The following C10orf67 variants were observed in gnomAD, a reference collection of about 807,000 sequenced individuals.
The protein encoded by C10orf67 is uncharacterized protein C10orf67, mitochondrial.
Under a neutral mutation model 35.6 loss-of-function variants are expected in C10orf67, and 60 were observed. The ratio of observed to expected loss-of-function variants is 1.68; its 90% CI spans 1.37 to 2.09. The LOEUF (loss-of-function observed/expected upper bound fraction) is 2.09. Ranked by LOEUF, C10orf67 falls within the 30% of genes most tolerant of loss-of-function variation. C10orf67 has a pLI of 0.00. For missense variants in C10orf67, 474 were observed against 330.2 expected (o/e 1.44, Z -3.38); for synonymous variants, 167 against 115.8 (o/e 1.44, Z -2.84).
At position 23,289,946 on chromosome 10, in the gene C10orf67, A is replaced by G. The variant is rs186852463; in HGVS notation, c.863T>C (p.Ile288Thr). The stretch of plus-strand genomic sequence containing the variant: ...CTTTTCTGCCATCTCTTTCATACTT[A>G]TAAGTTCATCTTCTGTAAACAAAAG... ...KENSGLEDEL[I>T]SMKEMAEKDH... Residue 288 changes from isoleucine (I) to threonine (T), a missense_variant, in exon 7 of 16, where the codon ATA (isoleucine) becomes ACA (threonine). Coordinates refer to ENST00000636213, the MANE Select transcript of C10orf67 (RefSeq NM_001371909.1). The G allele has an allele frequency of 1.6e-3, 1,164 of 717,072 alleles. 3 individuals are homozygous for G. The highest frequency in any genetic ancestry group is 6.9e-3 in the Middle Eastern group (30 of 4,370). 44.4% of individuals were successfully genotyped at this position (717,072 alleles called of 1,614,324 possible). A position where few individuals can be genotyped will look rare whatever the true frequency, so the allele number is the denominator to read the frequency against.
intron 8 of C10orf67, among the ~76,000 whole-genome samples, chr10:23,271,805 A>G (rs1159776980): frequency 6.6e-6 from 1 of 152,260 alleles, no homozygotes; most frequent in East Asian, 1.9e-4. Context: ...AGTTCTTTGC[A>G]TAGTCTATAT....
At chr10:23,288,957 G>A (rs1206614723) in intron 7 of C10orf67, among the ~76,000 whole-genome samples, 2 of 152,144 alleles carry the variant, frequency 1.3e-5, no homozygotes, top group Non-Finnish European at 1.5e-5. Flanking sequence ...ACCAGATAGC[G>A]CAGTTTCCAC....
chr10:23,240,002 T>C, intron 12 of C10orf67, among the ~76,000 whole-genome samples, 186 bp from the exon 13 acceptor site: 1 of 152,058 alleles, frequency 6.6e-6, no homozygotes, highest in Non-Finnish European at 1.5e-5. Flanking sequence ...CTGGGCAAAA[T>C]GGTGAAACCC....
chr10:23,228,144 C>T (rs1841796136), intron 13 of C10orf67, among the ~76,000 whole-genome samples: 1 of 152,056 alleles, frequency 6.6e-6, no homozygotes, highest in Non-Finnish European at 1.5e-5. Flanking sequence ...CAATCCTAAG[C>T]CAAAAGAACA....
At position 23,282,096 on chromosome 10, in the gene C10orf67, T is replaced by G; in HGVS notation, c.910-18A>C. The stretch of plus-strand genomic sequence containing the variant: ...TCCATTAACTGAAATAGAGAAGAAA[T>G]TATATTTTTATTAAAGATAAGAACA... On this transcript the variant is annotated intron_variant, in intron 7 of 15. Transcript: ENST00000636213. 3 of 533,974 alleles carry G rather than the reference T, an allele frequency of 5.6e-6. No individual in the cohort carries two copies. Among genetic ancestry groups the G allele is most frequent in the Non-Finnish European group, 1.0e-5 (3 of 297,962 alleles). 33.1% of individuals were successfully genotyped at this position (533,974 alleles called of 1,614,324 possible).
At position 23,344,663 on chromosome 10, in the gene C10orf67, T is replaced by C. The variant is rs962701102; in HGVS notation, c.112A>G (p.Met38Val). The part of the protein sequence containing the change: ...RGTFGTRWEA[M>V]KAKATELRVC... ...CGCAGCTCGGTGGCCTTGGCTTTCA[T>C]GGCCTCCCAGCGTGTGCCAAAGGTC... The change falls in exon 1 of 16, where the codon ATG becomes GTG. Residue 38 changes from methionine to valine, a missense_variant. Met to Val is a conservative substitution (Grantham distance 21). Transcript: ENST00000636213. 3 of 1,580,732 alleles carry C rather than the reference T, an allele frequency of 1.9e-6. No homozygotes were observed. Among genetic ancestry groups the C allele is most frequent in the South Asian group, 1.2e-5 (1 of 86,076 alleles).
chr10:23,306,013 A>G (rs1844262083), intron 4 of C10orf67, among the ~76,000 whole-genome samples: 1 of 152,070 alleles, frequency 6.6e-6, no homozygotes, highest in Non-Finnish European at 1.5e-5. Context: ...ACACACACAC[A>G]ATGGAATATT....
chr10:23,274,828 G>A (rs1047515082), intron 8 of C10orf67, among the ~76,000 whole-genome samples: 1 of 151,930 alleles, frequency 6.6e-6, no homozygotes, highest in African/African-American at 2.4e-5. Context: ...ATTAATTTTG[G>A]GAACTAATAA....
At chr10:23,314,929 A>G (rs1346756499) in intron 4 of C10orf67, among the ~76,000 whole-genome samples, 2 of 151,818 alleles carry the variant, frequency 1.3e-5, no homozygotes, top group Admixed American at 6.6e-5. Flanking sequence ...TTCATAGCTG[A>G]AAAAAAAAGT....
At chr10:23,325,269 T>G (rs1258615158) in intron 2 of C10orf67, among the ~76,000 whole-genome samples, 1 of 151,978 alleles carries the variant, frequency 6.6e-6, no homozygotes, top group Non-Finnish European at 1.5e-5. Flanking sequence ...GCCTAGGAGT[T>G]TGGGGCTGCA....
At chr10:23,328,993 C>CAAAAAAAA (rs57772405) in intron 2 of C10orf67, among the ~76,000 whole-genome samples, 625 of 78,756 alleles carry the variant, frequency 7.9e-3, no homozygotes, top group Non-Finnish European at 0.01. Context: ...CATAAACGAA[C>CAAAAAAAA]AAAAAAAAAA....
chr10:23,317,895 C>G (rs957205668), intron 4 of C10orf67: 4 of 151,510 alleles, frequency 2.6e-5, no homozygotes, highest in Non-Finnish European at 5.9e-5. Flanking sequence ...GACAGGAGTT[C>G]AAGACCAGCC....
intron 9 of C10orf67, among the ~76,000 whole-genome samples, chr10:23,266,898 G>GC: frequency 6.6e-6 from 1 of 152,054 alleles, no homozygotes; most frequent in East Asian, 1.9e-4. Context: ...CACACTTCTT[G>GC]CCCCACTTTA....
chr10:23,240,746 C>G (rs1204892727), intron 12 of C10orf67, among the ~76,000 whole-genome samples: 1 of 152,182 alleles, frequency 6.6e-6, no homozygotes, highest in Non-Finnish European at 1.5e-5. Context: ...GTGTGACATC[C>G]CTTCAGCCAT....
chr10:23,323,898 T>G (rs1343494748), intron 2 of C10orf67, among the ~76,000 whole-genome samples: 1 of 3,748 alleles, frequency 2.7e-4, no homozygotes, highest in Non-Finnish European at 3.9e-4. Flanking sequence ...CGTCTAAATA[T>G]ATATATATAT....
At chr10:23,257,617 A>G (rs1842637233) in intron 10 of C10orf67, among the ~76,000 whole-genome samples, 1 of 152,176 alleles carries the variant, frequency 6.6e-6, no homozygotes, top group Admixed American at 6.5e-5. Flanking sequence ...AGCCTGGGCA[A>G]TATGGCAAAA....
At chr10:23,234,481 A>G (rs1412944761) in intron 13 of C10orf67, among the ~76,000 whole-genome samples, 2 of 152,168 alleles carry the variant, frequency 1.3e-5, no homozygotes, top group East Asian at 3.9e-4. Context: ...CATGATGAGA[A>G]CACATGGACA....
intron 12 of C10orf67, among the ~76,000 whole-genome samples, chr10:23,246,425 A>G (rs994372374): frequency 2.0e-5 from 3 of 152,236 alleles, no homozygotes; most frequent in Non-Finnish European, 4.4e-5. Flanking sequence ...AAGACATATG[A>G]GAAAAATTCA....
At chr10:23,220,923 C>G (rs537169896) in intron 15 of C10orf67, among the ~76,000 whole-genome samples, 1 of 152,144 alleles carries the variant, frequency 6.6e-6, no homozygotes, top group African/African-American at 2.4e-5. Flanking sequence ...CCATAGGATA[C>G]TTTAAATAAT....
Sources: gnomAD v4.1 joint callset for allele counts (sites outside exome capture counted in the v4.1 genomes callset) on GRCh38, gnomAD v4.1.1 for gene constraint, MANE v1.5 for transcripts, NCBI Gene and HGNC (gene_info 2026-07-23, HGNC 2026-07-21) for gene names.